Variants in AKAIN1 observed in about 807,000 individuals in gnomAD.
The protein encoded by AKAIN1 is A-kinase anchor protein inhibitor 1.
AKAIN1 carries 3 observed loss-of-function variants against 3.7 expected under a neutral mutation model. The observed-to-expected ratio is 0.82, with a 90% CI of 0.37 to 2.12. The LOEUF is 2.12. AKAIN1 is among the 30% of genes most tolerant of loss of function. The probability of loss-of-function intolerance (pLI) is 0.06; values close to 1 mark genes in which losing one functional copy is unlikely to be tolerated. For synonymous variants in AKAIN1, 31 were observed against 30.8 expected (o/e 1.01, Z -0.02); for missense variants, 82 against 82.7 (o/e 0.99, Z 0.03).
At chr18:5,192,120 C>T (rs1245364245) in intron 1 of AKAIN1, among the ~76,000 whole-genome samples, 1 of 152,126 alleles carries the variant, frequency 6.6e-6, no homozygotes, top group Non-Finnish European at 1.5e-5. Flanking sequence ...AGGCATGCTC[C>T]ACTTGTATAA....
chr18:5,194,945 G>A (rs1257876389), intron 1 of AKAIN1, among the ~76,000 whole-genome samples: 3 of 152,122 alleles, frequency 2.0e-5, no homozygotes, highest in African/African-American at 7.2e-5. Context: ...AAGAAATGAG[G>A]TTGCAGTGCT....
rs143326057 is a variant in AKAIN1, at chr18:5,181,523, T to C, written c.16+15515A>G. Among the ~76,000 whole-genome samples the C allele has an allele frequency of 2.6e-5, 4 of 152,288 alleles. No individual in the cohort carries two copies. The East Asian group carries it at 7.7e-4, about 29-fold the overall frequency. On this transcript the variant is annotated intron_variant, in intron 1 of 1. Transcript: ENST00000434239. Reference sequence around the variant, plus strand: ...CACAGAGTAGGTCTTATACAAATGTTAGCTCCCTTGCCTTTTCTTACATTC... The same window carrying C: ...CACAGAGTAGGTCTTATACAAATGTCAGCTCCCTTGCCTTTTCTTACATTC...
intron 1 of AKAIN1, among the ~76,000 whole-genome samples, chr18:5,167,684 T>A (rs1165071115): frequency 1.3e-5 from 2 of 152,112 alleles, no homozygotes; most frequent in Admixed American, 1.3e-4. Flanking sequence ...TATGATATTG[T>A]CCTGGTCTTA....
chr18:5,191,671 A>G (rs976967002), intron 1 of AKAIN1, among the ~76,000 whole-genome samples: 2 of 152,150 alleles, frequency 1.3e-5, no homozygotes, highest in African/African-American at 4.8e-5. Flanking sequence ...AAGGAACTAC[A>G]GTAGCCAAAA....
chr18:5,188,698 C>T (rs118028086), intron 1 of AKAIN1, among the ~76,000 whole-genome samples: 2,699 of 152,216 alleles, frequency 0.018, 32 homozygotes, highest in Non-Finnish European at 0.026. Flanking sequence ...CCTGTAAATT[C>T]TACCATAAAT....
intron 1 of AKAIN1, among the ~76,000 whole-genome samples, chr18:5,170,408 T>A (rs1005648159): frequency 2.0e-5 from 3 of 152,132 alleles, no homozygotes; most frequent in Non-Finnish European, 4.4e-5. Flanking sequence ...TGGCCCCAGT[T>A]CTTTCATTGG....
rs2071040409 is a variant in AKAIN1 at position 5,145,030 on chromosome 18, A to G, written c.*532T>C. On this transcript the variant is annotated 3_prime_UTR_variant, in exon 2 of 2. Transcript: ENST00000434239. ...TAGTAAATGCCTTGGTATGGTCCCG[A>G]GGGACTCAGCCTTAGAATTTCCCTT... 6.6e-6 allele frequency among the ~76,000 whole-genome samples: 1 copy of G among 152,178 alleles called. No homozygotes were observed.
intron 1 of AKAIN1, among the ~76,000 whole-genome samples, chr18:5,179,930 T>TCC (rs924646255): frequency 8.5e-5 from 13 of 152,124 alleles, no homozygotes; most frequent in Non-Finnish European, 1.5e-5. Context: ...AGCTTCTCTG[T>TCC]CCCCATCCCA....
intron 1 of AKAIN1, among the ~76,000 whole-genome samples, chr18:5,174,096 C>T (rs1000138035): frequency 6.6e-6 from 1 of 152,142 alleles, no homozygotes; most frequent in African/African-American, 2.4e-5. Flanking sequence ...CTCCCATGAA[C>T]ATCCTTTTTT....
chr18:5,161,784 G>A (rs369428973), intron 1 of AKAIN1, among the ~76,000 whole-genome samples: 148 of 152,136 alleles, frequency 9.7e-4, no homozygotes, highest in African/African-American at 3.4e-3. Flanking sequence ...TGAGATAAAC[G>A]TATTATTTAA....
chr18:5,148,073 G>T (rs940569330), intron 1 of AKAIN1, among the ~76,000 whole-genome samples: 1 of 152,190 alleles, frequency 6.6e-6, no homozygotes, highest in African/African-American at 2.4e-5. Flanking sequence ...AGAATTAACC[G>T]ACATAAAGAA....
intron 1 of AKAIN1, among the ~76,000 whole-genome samples, chr18:5,196,328 G>GCGCA (rs900906048): frequency 3.9e-5 from 6 of 152,342 alleles, no homozygotes; most frequent in African/African-American, 1.4e-4. Flanking sequence ...GGACTCAAAT[G>GCGCA]CGCACGCACG....
rs1230198425 is a variant in AKAIN1 at position 5,162,622 on chromosome 18, ATGCGTG to A, written c.17-16873_17-16868del. On this transcript the variant is annotated intron_variant, in intron 1 of 1. Transcript: ENST00000434239. ...CAAACTCTATGAAGAGTTCAATGTG[ATGCGTG>A]TGTGTGTGTGTGTGTGTGTGTGTGT... 4.7e-5 allele frequency among the ~76,000 whole-genome samples: 5 copies of A among 106,886 alleles called. No individual in the cohort carries two copies. In the South Asian group the frequency reaches 1.2e-3, roughly 25 times the overall value. The allele number at this position is 106,886 out of a possible 152,430, so 70.1% of individuals were successfully genotyped here.
At position 5,154,164 on chromosome 18, in the gene AKAIN1, G is replaced by GGAC. The variant is rs1414023919; in HGVS notation, c.17-8412_17-8410dup. Reference sequence around the variant, plus strand: ...GGAGTGGACAAAGATTTCTTAAACGGGACACAAAAAGCAACAACCATGAAG... The same window carrying GGAC: ...GGAGTGGACAAAGATTTCTTAAACGGGACGACACAAAAAGCAACAACCATGAAG... On this transcript the variant is annotated intron_variant, in intron 1 of 1. Coordinates refer to ENST00000434239, the MANE Select transcript of AKAIN1 (RefSeq NM_001145194.2). Among the ~76,000 whole-genome samples, 9 of 152,076 alleles carry GGAC rather than the reference G, an allele frequency of 5.9e-5. No individual in the cohort carries two copies. The East Asian group carries it at 1.7e-3, about 29-fold the overall frequency.
chr18:5,183,309 TACAG>T (rs1236369151), intron 1 of AKAIN1, among the ~76,000 whole-genome samples: 6 of 152,062 alleles, frequency 3.9e-5, no homozygotes, highest in Non-Finnish European at 8.8e-5. Flanking sequence ...GATATATTCA[TACAG>T]ACAAAGGATA....
chr18:5,167,523 T>A (rs1020954319), intron 1 of AKAIN1, among the ~76,000 whole-genome samples: 7 of 152,068 alleles, frequency 4.6e-5, no homozygotes, highest in Non-Finnish European at 8.8e-5. Flanking sequence ...CACATCAATG[T>A]AGTTAACTTT....
chr18:5,185,831 T>C (rs971859193), intron 1 of AKAIN1, among the ~76,000 whole-genome samples: 5 of 152,148 alleles, frequency 3.3e-5, no homozygotes, highest in African/African-American at 1.2e-4. Flanking sequence ...TTAATGGGTA[T>C]ATACCCAAAG....
intron 1 of AKAIN1, among the ~76,000 whole-genome samples, chr18:5,169,830 G>A (rs922651621): frequency 3.9e-5 from 6 of 152,108 alleles, no homozygotes; most frequent in African/African-American, 1.4e-4. Context: ...TAATTGTCTA[G>A]GAACAAAATG....
chr18:5,179,693 T>C (rs1474680616), intron 1 of AKAIN1, among the ~76,000 whole-genome samples: 1 of 152,042 alleles, frequency 6.6e-6, no homozygotes, highest in Non-Finnish European at 1.5e-5. Flanking sequence ...GTGGCAGTGG[T>C]CATTAAAAGA....
Sources: allele counts gnomAD v4.1 joint callset (sites outside exome capture counted in the v4.1 genomes callset), GRCh38; gene constraint gnomAD v4.1.1; transcripts MANE v1.5; gene names NCBI Gene and HGNC (gene_info 2026-07-23, HGNC 2026-07-21).